The following LARP4B variants were observed in gnomAD, a reference collection of about 807,000 sequenced individuals.
The protein encoded by LARP4B is la-related protein 4B.
In LARP4B, 12 loss-of-function variants were observed where a neutral mutation model predicts 89.8. That is an observed-to-expected ratio of 0.13 (90% CI 0.09 to 0.22). The LOEUF (loss-of-function observed/expected upper bound fraction) is 0.22, where lower values mean the gene tolerates loss of function less well. Among genes scored for constraint, LARP4B ranks in the 10% least tolerant of loss-of-function variants. The probability of loss-of-function intolerance (pLI) is 1.00; values close to 1 mark genes in which losing one functional copy is unlikely to be tolerated. For synonymous variants in LARP4B, 367 were observed against 363.3 expected, an observed-to-expected ratio of 1.01 and a Z score of -0.12; for missense variants, 757 against 947.7, an observed-to-expected ratio of 0.80 and a Z score of 2.64.
chr10:911,138 C>T (rs1384316228), intron 1 of LARP4B, among the ~76,000 whole-genome samples: 1 of 152,182 alleles, frequency 6.6e-6, no homozygotes, highest in Non-Finnish European at 1.5e-5. Context: ...CAGTTGTGAG[C>T]AGCAGTAGCC....
intron 5 of LARP4B, among the ~76,000 whole-genome samples, chr10:854,367 G>T (rs141600550): frequency 6.6e-6 from 1 of 152,068 alleles, no homozygotes. Context: ...TCCATCAGAG[G>T]AACCATGATC....
chr10:943,942 G>A, the LARP4B span, among the ~76,000 whole-genome samples: 2 of 152,140 alleles, frequency 1.3e-5, no homozygotes, highest in African/African-American at 4.8e-5. Flanking sequence ...AGCGGGATGG[G>A]TGCCTTACAG....
chr10:938,319 G>T, the LARP4B span, among the ~76,000 whole-genome samples: 109 of 140,930 alleles, frequency 7.7e-4, no homozygotes, highest in Middle Eastern at 4.5e-3. Flanking sequence ...GGTGTGATTT[G>T]GGCTCACTAC....
chr10:932,643 A>G (rs1409826787), upstream of LARP4B, among the ~76,000 whole-genome samples: 97 of 10,632 alleles, frequency 9.1e-3, no homozygotes, highest in East Asian at 0.018. Context: ...GCCCTGCCCC[A>G]AACTCCCACC....
intron 1 of LARP4B, among the ~76,000 whole-genome samples, chr10:927,986 G>A (rs970834428): frequency 3.3e-5 from 5 of 152,070 alleles, no homozygotes; most frequent in African/African-American, 1.2e-4. Context: ...GCCGAGGCGG[G>A]CGAATCACCT....
the LARP4B span, among the ~76,000 whole-genome samples, chr10:962,605 A>G: frequency 6.6e-6 from 1 of 152,192 alleles, no homozygotes; most frequent in Admixed American, 6.6e-5. Context: ...TGATTATGCA[A>G]TGTCATGTGG....
chr10:851,618 G>C (rs550017581), intron 5 of LARP4B, among the ~76,000 whole-genome samples: 2 of 152,310 alleles, frequency 1.3e-5, no homozygotes, highest in African/African-American at 4.8e-5. Context: ...GGTGATAACA[G>C]AGTATTATGA....
At chr10:939,046 C>T in the LARP4B span, among the ~76,000 whole-genome samples, 1 of 152,202 alleles carries the variant, frequency 6.6e-6, no homozygotes, top group Non-Finnish European at 1.5e-5. Flanking sequence ...TTTTAAATTC[C>T]CTATGGCAAT....
At chr10:830,814 A>C in intron 9 of LARP4B, 53 bp downstream of exon 9, 1 of 800,800 alleles carries the variant, frequency 1.2e-6, no homozygotes, top group Non-Finnish European at 2.2e-6. Flanking sequence ...ATGCACTAAT[A>C]GTAAAAACTG....
At chr10:885,593 A>G (rs1236350821) in intron 2 of LARP4B, 48 bp downstream of exon 2, 3 of 1,418,010 alleles carry the variant, frequency 2.1e-6, no homozygotes, top group Non-Finnish European at 3.0e-6. Flanking sequence ...AGAGTCCTTT[A>G]TCAAAAAAAG....
At chr10:964,275 C>A in the LARP4B span, among the ~76,000 whole-genome samples, 1 of 152,198 alleles carries the variant, frequency 6.6e-6, no homozygotes, top group Non-Finnish European at 1.5e-5. Context: ...CCATGTTGGC[C>A]AGGCTGGTCT....
At chr10:832,419 A>G (rs7074642) in intron 8 of LARP4B, among the ~76,000 whole-genome samples, 24,609 of 152,174 alleles carry the variant, frequency 0.16, 2,136 homozygotes, top group Non-Finnish European at 0.19. Context: ...ACTACACTAA[A>G]TAAGATTAAC....
chr10:827,688 G>C (rs552653869), intron 11 of LARP4B, among the ~76,000 whole-genome samples: 162 of 152,168 alleles, frequency 1.1e-3, no homozygotes, highest in African/African-American at 3.7e-3. Flanking sequence ...ATCCCCGAGA[G>C]GGTCAACCAT....
chr10:923,033 C>T (rs550148981), intron 1 of LARP4B, among the ~76,000 whole-genome samples: 1 of 152,140 alleles, frequency 6.6e-6, no homozygotes, highest in African/African-American at 2.4e-5. Context: ...GGAGACTGTG[C>T]CACTGCACTC....
chr10:911,620 G>A (rs1263452953), intron 1 of LARP4B, among the ~76,000 whole-genome samples: 1 of 152,118 alleles, frequency 6.6e-6, no homozygotes, highest in Non-Finnish European at 1.5e-5. Flanking sequence ...AAGAAATCTA[G>A]AGGACACTTC....
chr10:888,861 A>T (rs1835936878), intron 1 of LARP4B, among the ~76,000 whole-genome samples: 1 of 152,222 alleles, frequency 6.6e-6, no homozygotes, highest in South Asian at 2.1e-4. Context: ...TAAGGCAAGC[A>T]GAATGCTTGA....
chr10:836,114 T>A (rs1833206504), intron 8 of LARP4B, among the ~76,000 whole-genome samples: 1 of 152,194 alleles, frequency 6.6e-6, no homozygotes, highest in Non-Finnish European at 1.5e-5. Context: ...ATGGGTTTAC[T>A]AATCTTATTT....
intron 1 of LARP4B, among the ~76,000 whole-genome samples, chr10:915,828 G>T (rs1388860123): frequency 9.0e-6 from 1 of 111,122 alleles, no homozygotes; most frequent in Non-Finnish European, 1.9e-5. Context: ...GCGAGACTCC[G>T]CCTCAAAAAA....
chr10:938,150 C>A, the LARP4B span, among the ~76,000 whole-genome samples: 1 of 152,016 alleles, frequency 6.6e-6, no homozygotes, highest in Non-Finnish European at 1.5e-5. Flanking sequence ...TCCCAAAGTG[C>A]TGGGATTACA....
Sources: gnomAD v4.1 joint callset for allele counts (sites outside exome capture counted in the v4.1 genomes callset) on GRCh38, gnomAD v4.1.1 for gene constraint, MANE v1.5 for transcripts, NCBI Gene and HGNC (gene_info 2026-07-23, HGNC 2026-07-21) for gene names.